The following INTS9 variants were observed in gnomAD, a reference collection of about 807,000 sequenced individuals.
The protein encoded by INTS9 is protein related to CPSF subunits of 74 kDa.
Under a neutral mutation model 79.7 loss-of-function variants are expected in INTS9, and 55 were observed. That is an observed-to-expected ratio of 0.69 (90% CI 0.56 to 0.86). INTS9 has a LOEUF of 0.86. Ranked by LOEUF, INTS9 falls within the 40% of genes least tolerant of loss-of-function variation. The pLI is 0.00. For missense variants in INTS9, 721 were observed against 831.5 expected (o/e 0.87, Z 1.64); for synonymous variants, 319 against 325.2 (o/e 0.98, Z 0.20).
At chr8:28,874,312 C>T (rs1001858507) in intron 1 of INTS9, among the ~76,000 whole-genome samples, 8 of 148,982 alleles carry the variant, frequency 5.4e-5, no homozygotes, top group African/African-American at 2.0e-4. Flanking sequence ...TGTTTTGAGA[C>T]AGAGTCTCGC....
At chr8:28,780,649 A>G in intron 12 of INTS9, 174 bp downstream of exon 12, 4 of 985,446 alleles carry the variant, frequency 4.1e-6, no homozygotes, top group Non-Finnish European at 4.8e-6. Context: ...GTCCAATGGC[A>G]CACACTGCTT....
rs1802496514 is a variant in INTS9 at position 28,770,962 on chromosome 8, TCCCA to T, written c.1662+16_1662+19del. The T allele has an allele frequency of 6.3e-7, 1 of 1,598,416 alleles. No homozygotes were observed. The highest frequency in any genetic ancestry group is 8.6e-7 in the Non-Finnish European group (1 of 1,168,188). The stretch of plus-strand genomic sequence containing the variant: ...TTGCTGGGGAGAGGGTCCCCTGCAC[TCCCA>T]CCCAGCACCCCCTACCTGAAGCAAG... On this transcript the variant is annotated intron_variant, in intron 15 of 16. Coordinates refer to ENST00000521022, the MANE Select transcript of INTS9 (RefSeq NM_018250.4).
intron 1 of INTS9, 128 bp from the exon 2 acceptor site, chr8:28,859,691 G>A (rs1448172345): frequency 5.7e-6 from 6 of 1,049,968 alleles, no homozygotes; most frequent in Non-Finnish European, 7.2e-6. Context: ...AACTTTCTAT[G>A]TGGTTTCCGC....
intron 6 of INTS9, among the ~76,000 whole-genome samples, chr8:28,821,180 T>C (rs1328661360): frequency 1.3e-5 from 2 of 152,104 alleles, no homozygotes; most frequent in Non-Finnish European, 2.9e-5. Flanking sequence ...CAGAGGACAA[T>C]TAGTCCGTTT....
chr8:28,863,970 A>C (rs1585498097), intron 1 of INTS9, among the ~76,000 whole-genome samples: 1 of 152,230 alleles, frequency 6.6e-6, no homozygotes, highest in Non-Finnish European at 1.5e-5. Context: ...TAAGATAAAC[A>C]TTATTTATAT....
chr8:28,770,288 G>T (rs1343212268), intron 15 of INTS9, among the ~76,000 whole-genome samples: 2 of 152,210 alleles, frequency 1.3e-5, no homozygotes, highest in Non-Finnish European at 2.9e-5. Flanking sequence ...AAATTTTCAG[G>T]TGGTTCACTT....
At chr8:28,770,074 A>T (rs1284284049) in intron 15 of INTS9, 48 bp from the exon 16 acceptor site, 1 of 1,598,650 alleles carries the variant, frequency 6.3e-7, no homozygotes, top group Non-Finnish European at 8.5e-7. Flanking sequence ...TCTGAGCAGC[A>T]GGGGCCACCG....
intron 8 of INTS9, among the ~76,000 whole-genome samples, chr8:28,801,932 C>T (rs1376400166): frequency 1.3e-5 from 2 of 152,218 alleles, no homozygotes; most frequent in South Asian, 2.1e-4. Context: ...GTCTTTAAGA[C>T]CTCAAGAAAA....
At chr8:28,863,839 AT>A (rs1447028633) in intron 1 of INTS9, among the ~76,000 whole-genome samples, 10 of 152,316 alleles carry the variant, frequency 6.6e-5, no homozygotes, top group African/African-American at 2.4e-4. Flanking sequence ...TTGCACAGCA[AT>A]TATATTGTAT....
At chr8:28,770,851 G>C (rs1802487627) in intron 15 of INTS9, 131 bp downstream of exon 15, 3 of 719,894 alleles carry the variant, frequency 4.2e-6, no homozygotes, top group Non-Finnish European at 7.0e-6. Context: ...CAGCCTCTCT[G>C]AGGCACATGG....
At chr8:28,772,050 G>A (rs542103578) in intron 14 of INTS9, among the ~76,000 whole-genome samples, 1 of 152,136 alleles carries the variant, frequency 6.6e-6, no homozygotes, top group South Asian at 2.1e-4. Flanking sequence ...TTGTAGATAC[G>A]GGGGTCTTGC....
At chr8:28,804,755 A>C (rs1333865164) in intron 8 of INTS9, among the ~76,000 whole-genome samples, 1 of 152,258 alleles carries the variant, frequency 6.6e-6, no homozygotes, top group African/African-American at 2.4e-5. Context: ...AGAGAGTAGG[A>C]ATATATGTAT....
chr8:28,878,942 G>C (rs571041726), intron 1 of INTS9, among the ~76,000 whole-genome samples: 1 of 150,706 alleles, frequency 6.6e-6, no homozygotes, highest in East Asian at 2.0e-4. Context: ...ATTGCCCACC[G>C]CACTCCGGCC....
At chr8:28,863,560 G>A (rs1423001836) in intron 1 of INTS9, among the ~76,000 whole-genome samples, 1 of 152,146 alleles carries the variant, frequency 6.6e-6, no homozygotes, top group Non-Finnish European at 1.5e-5. Flanking sequence ...AAGATCACCT[G>A]AGGTCAGGAG....
At chr8:28,839,699 A>C (rs1178573255) in intron 4 of INTS9, among the ~76,000 whole-genome samples, 4 of 152,310 alleles carry the variant, frequency 2.6e-5, no homozygotes, top group African/African-American at 9.6e-5. Flanking sequence ...GAAGGGATTC[A>C]CTATTTAATA....
intron 7 of INTS9, 87 bp from the exon 8 acceptor site, chr8:28,812,548 T>A: frequency 7.0e-7 from 1 of 1,434,126 alleles, no homozygotes; most frequent in South Asian, 1.3e-5. Flanking sequence ...AACAGAAATA[T>A]CCTCAGTTTA....
At chr8:28,877,689 A>G (rs1809471436) in intron 1 of INTS9, among the ~76,000 whole-genome samples, 1 of 152,196 alleles carries the variant, frequency 6.6e-6, no homozygotes. Flanking sequence ...TATTTAAACA[A>G]CAGAACACTA....
At chr8:28,834,682 T>TG (rs1563284273) in intron 6 of INTS9, among the ~76,000 whole-genome samples, 2 of 151,700 alleles carry the variant, frequency 1.3e-5, no homozygotes, top group Non-Finnish European at 2.9e-5. Context: ...ATCTGTTTTT[T>TG]TTTTTTTTTT....
chr8:28,782,975 G>C (rs1350616687), intron 11 of INTS9, among the ~76,000 whole-genome samples: 1 of 151,922 alleles, frequency 6.6e-6, no homozygotes, highest in Non-Finnish European at 1.5e-5. Context: ...GTGAAACCCC[G>C]TCTCTACTAA....
Sources: gnomAD v4.1 joint callset for allele counts (sites outside exome capture counted in the v4.1 genomes callset) on GRCh38, gnomAD v4.1.1 for gene constraint, MANE v1.5 for transcripts, NCBI Gene and HGNC (gene_info 2026-07-23, HGNC 2026-07-21) for gene names.